SCN11A: variants seen among roughly 807,000 people sequenced by gnomAD.
SCN11A encodes sodium channel protein type 11 subunit alpha.
A neutral mutation model predicts 162.2 loss-of-function variants in SCN11A; 122 were observed. That is an observed-to-expected ratio of 0.75 (90% CI 0.65 to 0.87). SCN11A has a LOEUF of 0.87. SCN11A is among the 40% of genes least tolerant of loss of function. SCN11A has a pLI of 0.00. For synonymous variants in SCN11A, 758 were observed against 751.5 expected (o/e 1.01, Z -0.14); for missense variants, 2,015 against 2,181.6 (o/e 0.92, Z 1.52).
intron 7 of SCN11A, among the ~76,000 whole-genome samples, chr3:38,943,352 G>A (rs1472059039): frequency 3.3e-5 from 5 of 152,180 alleles, no homozygotes; most frequent in African/African-American, 2.4e-5. Flanking sequence ...AAAGAGGCAT[G>A]AGACGTTTTG....
At chr3:38,983,510 G>C (rs2125591249) in intron 2 of SCN11A, among the ~76,000 whole-genome samples, 1 of 152,204 alleles carries the variant, frequency 6.6e-6, no homozygotes, top group African/African-American at 2.4e-5. Flanking sequence ...AAATGAACAA[G>C]GAAATTCTGA....
intron 1 of SCN11A, among the ~76,000 whole-genome samples, chr3:39,037,177 C>T (rs546577635): frequency 1.3e-5 from 2 of 152,188 alleles, no homozygotes; most frequent in Non-Finnish European, 2.9e-5. Context: ...TTTGCAACAA[C>T]GTGGATGGAA....
At chr3:38,849,418 A>G (rs2064738536) in intron 29 of SCN11A, 1 of 152,128 alleles carries the variant, frequency 6.6e-6, no homozygotes, top group Non-Finnish European at 1.5e-5. Flanking sequence ...AAACCAGAAC[A>G]CACTATGAAC....
At chr3:38,914,566 C>T (rs1488263234) in intron 11 of SCN11A, among the ~76,000 whole-genome samples, 1 of 151,988 alleles carries the variant, frequency 6.6e-6, no homozygotes, top group Admixed American at 6.6e-5. Flanking sequence ...TCTTGTGCTA[C>T]TTTTCAAGGA....
intron 2 of SCN11A, among the ~76,000 whole-genome samples, chr3:38,982,301 G>A (rs2030085804): frequency 6.6e-6 from 1 of 152,208 alleles, no homozygotes; most frequent in South Asian, 2.1e-4. Flanking sequence ...ACAGGATGCA[G>A]AATTCCTGGA....
At chr3:38,917,643 A>C (rs557352071) in intron 11 of SCN11A, among the ~76,000 whole-genome samples, 2 of 152,346 alleles carry the variant, frequency 1.3e-5, no homozygotes, top group African/African-American at 4.8e-5. Context: ...AGTGGAGAAC[A>C]ATAGATACTG....
At chr3:38,969,522 A>T (rs891370603) in intron 2 of SCN11A, among the ~76,000 whole-genome samples, 10 of 152,144 alleles carry the variant, frequency 6.6e-5, no homozygotes, top group African/African-American at 2.4e-4. Context: ...AGAAACACAC[A>T]TGCCTGACCT....
chr3:38,992,999 A>G (rs937329253), intron 2 of SCN11A, among the ~76,000 whole-genome samples: 1 of 152,234 alleles, frequency 6.6e-6, no homozygotes, highest in East Asian at 1.9e-4. Context: ...CCCGATTCTC[A>G]GGAGCAATGG....
chr3:38,962,091 C>A (rs962888981), intron 2 of SCN11A, among the ~76,000 whole-genome samples: 5 of 152,346 alleles, frequency 3.3e-5, no homozygotes, highest in Admixed American at 1.3e-4. Context: ...ATGTGGCTTG[C>A]CAATTATCCC....
At chr3:38,938,519 T>TACAC (rs1443226334) in intron 7 of SCN11A, among the ~76,000 whole-genome samples, 1 of 15,214 alleles carries the variant, frequency 6.6e-5, no homozygotes, top group African/African-American at 3.0e-4. Flanking sequence ...CATATATATA[T>TACAC]ATATATATAT....
intron 2 of SCN11A, among the ~76,000 whole-genome samples, chr3:38,974,100 G>A (rs2066833171): frequency 6.6e-6 from 1 of 152,122 alleles, no homozygotes; most frequent in African/African-American, 2.4e-5. Flanking sequence ...TTAGGAACTG[G>A]AATTAACAGA....
At chr3:38,849,194 A>G (rs1459387106) in intron 29 of SCN11A, 1 of 149,968 alleles carries the variant, frequency 6.7e-6, no homozygotes, top group Non-Finnish European at 1.5e-5. Context: ...TTTTCTCATC[A>G]GAGGAAGGGC....
At position 38,845,845 on chromosome 3, in the gene SCN11A, T is replaced by C. The variant is rs983084553; in HGVS notation, c.*849A>G. ...ATGGTAGCTTGTGAAAGGGTAGTAA[T>C]TGACAAGTCAAGATTGTGCCTCTAG... On this transcript the variant is annotated 3_prime_UTR_variant, in exon 30 of 30. Transcript: ENST00000302328. 1.3e-5 allele frequency: 2 copies of C among 152,194 alleles called. No individual in the cohort carries two copies. The highest frequency in any genetic ancestry group is 4.8e-5 in the African/African-American group (2 of 41,448). The allele number at this position is 152,194 out of a possible 1,614,324, so 9.4% of individuals were successfully genotyped here.
chr3:38,963,739 G>C (rs554283547), intron 2 of SCN11A, among the ~76,000 whole-genome samples: 1 of 151,950 alleles, frequency 6.6e-6, no homozygotes, highest in Non-Finnish European at 1.5e-5. Flanking sequence ...GTGGGAGAGA[G>C]GCAAGGGATT....
At chr3:38,952,473 C>G (rs73828752) in intron 4 of SCN11A, among the ~76,000 whole-genome samples, 2,434 of 152,282 alleles carry the variant, frequency 0.016, 67 homozygotes, top group African/African-American at 0.056. Context: ...TGGTTTGTTC[C>G]TTCAACAATT....
At chr3:38,866,767 T>A (rs2065047332) in intron 27 of SCN11A, among the ~76,000 whole-genome samples, 2 of 152,204 alleles carry the variant, frequency 1.3e-5, no homozygotes, top group Admixed American at 6.5e-5. Flanking sequence ...AAAGCTCCTG[T>A]GGATTTTAGA....
At chr3:38,965,664 T>C (rs993957560) in intron 2 of SCN11A, among the ~76,000 whole-genome samples, 1 of 152,204 alleles carries the variant, frequency 6.6e-6, no homozygotes, top group Non-Finnish European at 1.5e-5. Flanking sequence ...TTTCCCAATC[T>C]CTGAATTTCT....
chr3:39,044,036 G>A (rs374527655), intron 1 of SCN11A, among the ~76,000 whole-genome samples: 101 of 151,992 alleles, frequency 6.6e-4, no homozygotes, highest in African/African-American at 2.2e-3. Context: ...AAATGTAAAC[G>A]CAAACAGAAA....
chr3:39,034,386 T>G (rs1575367568), intron 1 of SCN11A, among the ~76,000 whole-genome samples: 1 of 152,332 alleles, frequency 6.6e-6, no homozygotes, highest in African/African-American at 2.4e-5. Context: ...GAGAAAGCAT[T>G]TGATAAAATC....
Sources: allele counts gnomAD v4.1 joint callset (sites outside exome capture counted in the v4.1 genomes callset), GRCh38; gene constraint gnomAD v4.1.1; transcripts MANE v1.5; gene names NCBI Gene and HGNC (gene_info 2026-07-23, HGNC 2026-07-21).